Variants in ZBTB24 observed in about 807,000 individuals in gnomAD.
ZBTB24 encodes the protein zinc finger and BTB domain-containing protein 24.
Under a neutral mutation model 53.8 loss-of-function variants are expected in ZBTB24, and 32 were observed. The observed-to-expected ratio is 0.60, with a 90% confidence interval of 0.45 to 0.80. The LOEUF is 0.80. Among genes scored for constraint, ZBTB24 ranks in the 30% least tolerant of loss-of-function variants. The probability of loss-of-function intolerance (pLI) is 0.00; values close to 1 mark genes in which losing one functional copy is unlikely to be tolerated. For synonymous variants in ZBTB24, 297 were observed against 306.7 expected (o/e 0.97, Z 0.33); for missense variants, 722 against 837.1 (o/e 0.86, Z 1.70).
In ZBTB24 at chr6:109,481,802, G is replaced by A. The variant is rs769918646; in HGVS notation, c.225C>T (p.Ser75=). Residue 75 remains serine, a synonymous_variant, in exon 2 of 7, where the codon TCC becomes TCT. Coordinates refer to ENST00000230122, the MANE Select transcript of ZBTB24 (RefSeq NM_014797.3). ...MFAEEGEIGQ[S]IYMLEGMVAD... is the part of the protein sequence containing the mutation. ...CAACCATGCCTTCCAGCATATAAAT[G>A]GATTGGCCGATTTCCCCCTCTTCTG... 31 of 1,614,230 alleles carry A rather than the reference G, an allele frequency of 1.9e-5. No individual in the cohort carries two copies. Among genetic ancestry groups the A allele is most frequent in the Admixed American group, 1.0e-4 (6 of 60,028 alleles).
chr6:109,472,910 A>T (rs1217597674), intron 5 of ZBTB24, among the ~76,000 whole-genome samples: 2 of 151,504 alleles, frequency 1.3e-5, no homozygotes, highest in African/African-American at 4.9e-5. Flanking sequence ...ACCTGACACC[A>T]CCTCTGCTGC....
At position 109,466,020 on chromosome 6, in the gene ZBTB24, T is replaced by C. The variant is rs754717708; in HGVS notation, c.1925A>G (p.Lys642Arg). The change falls in exon 7 of 7, where the codon AAG (lysine) becomes AGG (arginine). Residue 642 changes from lysine to arginine, a missense_variant. Coordinates refer to ENST00000230122, the MANE Select transcript of ZBTB24 (RefSeq NM_014797.3). ...GGCATGAAGATGTTCCAGTGTTTCC[T>C]TGGACAGAGTGATCACGTGCACTGG... ...TEPVHVITLS[K>R]ETLEHLHAHQ... 1.9e-5 allele frequency: 31 copies of C among 1,614,234 alleles called. No individual in the cohort carries two copies. The highest frequency in any genetic ancestry group is 2.5e-5 in the Non-Finnish European group (29 of 1,180,036).
intron 6 of ZBTB24, 94 bp from the exon 7 acceptor site, chr6:109,466,668 T>C (rs1776050607): frequency 1.3e-6 from 2 of 1,498,920 alleles, no homozygotes; most frequent in Admixed American, 3.7e-5. Flanking sequence ...TAGTGGAAAA[T>C]TAACTAGACT....
Position 109,481,876 on chromosome 6 carries a change from G to A in ZBTB24, c.151C>T (p.His51Tyr), listed in dbSNP as rs1377576479. ...LIVENVHFRA[H>Y]KALLAASSEY... ...CTACTGGCAGCAAGTAAGGCTTTGT[G>A]GGCCCGGAAATGTACATTCTCCACG... The change falls in exon 2 of 7, where the codon CAC becomes TAC. Residue 51 changes from histidine (H) to tyrosine (Y), a missense_variant. Physicochemically the swap from His to Tyr is moderately conservative, Grantham distance 83. Transcript: ENST00000230122. The A allele has an allele frequency of 1.2e-6, 2 of 1,614,064 alleles. No homozygotes were observed. Among genetic ancestry groups the A allele is most frequent in the Non-Finnish European group, 1.7e-6 (2 of 1,180,034 alleles).
At chr6:109,469,918 A>AGGAGGCC (rs1336658043) in intron 5 of ZBTB24, among the ~76,000 whole-genome samples, 1 of 152,220 alleles carries the variant, frequency 6.6e-6, no homozygotes, top group Non-Finnish European at 1.5e-5. Flanking sequence ...GTCAGGAGTC[A>AGGAGGCC]GGAGGCCAAG....
At chr6:109,468,526 G>A (rs951737637) in intron 5 of ZBTB24, among the ~76,000 whole-genome samples, 1 of 151,700 alleles carries the variant, frequency 6.6e-6, no homozygotes, top group Non-Finnish European at 1.5e-5. Context: ...TTTTATCAGT[G>A]AGGCTCCATC....
chr6:109,472,468 T>C (rs1776186680), intron 5 of ZBTB24, among the ~76,000 whole-genome samples: 1 of 152,126 alleles, frequency 6.6e-6, no homozygotes, highest in Admixed American at 6.5e-5. Flanking sequence ...CAAGTCCTAC[T>C]GCTACTCACA....
chr6:109,467,888 T>C (rs1377964046), intron 5 of ZBTB24, among the ~76,000 whole-genome samples, 154 bp from the exon 6 acceptor site: 1 of 152,106 alleles, frequency 6.6e-6, no homozygotes, highest in Non-Finnish European at 1.5e-5. Context: ...AATGATGCAC[T>C]CACCAAATAT....
Position 109,475,457 on chromosome 6 carries a change from G to A in ZBTB24, c.1230C>T (p.Asp410=). Residue 410 remains aspartate (D), a synonymous_variant, in exon 5 of 7, where the codon GAC becomes GAT. Transcript: ENST00000230122. ...HTGHSLPECK[D]CHRKFMDVSQ... ...ACACATCCATGAATTTGCGATGGCA[G>A]TCTTTGCATTCCGGTAATGAGTGGC... is the stretch of plus-strand genomic sequence containing the variant. The A allele has an allele frequency of 6.2e-7, 1 of 1,614,190 alleles. No homozygotes were observed. The highest frequency in any genetic ancestry group is 8.5e-7 in the Non-Finnish European group (1 of 1,180,036).
rs767524812 is a variant in ZBTB24, at chr6:109,481,810, C to T, written c.217G>A (p.Gly73Ser). 6.2e-7 allele frequency: 1 copy of T among 1,614,164 alleles called. No homozygotes were observed. Among genetic ancestry groups the T allele is most frequent in the Non-Finnish European group, 8.5e-7 (1 of 1,180,044 alleles). Residue 73 changes from glycine (G) to serine (S), a missense_variant, in exon 2 of 7, where the codon GGC becomes AGC. Coordinates refer to ENST00000230122, the MANE Select transcript of ZBTB24 (RefSeq NM_014797.3). ...CCTTCCAGCATATAAATGGATTGGC[C>T]GATTTCCCCCTCTTCTGCAAACATC... Reference protein sequence around the residue: ...SMMFAEEGEIGQSIYMLEGMV... With the variant: ...SMMFAEEGEISQSIYMLEGMV...
chr6:109,466,695 G>A, intron 6 of ZBTB24, 121 bp from the exon 7 acceptor site: 1 of 1,317,922 alleles, frequency 7.6e-7, no homozygotes, highest in South Asian at 1.3e-5. Context: ...CATAAGTCAT[G>A]GGTTCACCTA....
intron 2 of ZBTB24, among the ~76,000 whole-genome samples, chr6:109,479,096 C>G (rs1776341748): frequency 6.6e-6 from 1 of 152,060 alleles, no homozygotes; most frequent in Non-Finnish European, 1.5e-5. Flanking sequence ...ACAGAGAAAA[C>G]AGAGAGGAGA....
intron 6 of ZBTB24, 60 bp downstream of exon 6, chr6:109,467,593 T>C: frequency 6.2e-7 from 1 of 1,613,418 alleles, no homozygotes; most frequent in Non-Finnish European, 8.5e-7. Context: ...ACATGTCACC[T>C]CACTGAACAG....
intron 5 of ZBTB24, among the ~76,000 whole-genome samples, chr6:109,473,429 G>A (rs1776210389): frequency 6.6e-6 from 1 of 152,096 alleles, no homozygotes; most frequent in South Asian, 2.1e-4. Context: ...ATCTTCAATG[G>A]CCGGCTGGCT....
At chr6:109,472,284 G>A (rs1399119711) in intron 5 of ZBTB24, among the ~76,000 whole-genome samples, 1 of 152,094 alleles carries the variant, frequency 6.6e-6, no homozygotes, top group Admixed American at 6.5e-5. Flanking sequence ...TTTTTTGATA[G>A]GTTCAATTTC....
chr6:109,482,452 C>A (rs1776443810), intron 1 of ZBTB24, among the ~76,000 whole-genome samples: 1 of 151,136 alleles, frequency 6.6e-6, no homozygotes, highest in Non-Finnish European at 1.5e-5. Flanking sequence ...GGCGACAGAA[C>A]GAGACCACCA....
chr6:109,475,518 A>C (rs1473440847), intron 4 of ZBTB24, 36 bp from the exon 5 acceptor site: 1 of 1,606,726 alleles, frequency 6.2e-7, no homozygotes, highest in Non-Finnish European at 8.5e-7. Flanking sequence ...CAGTGCATAC[A>C]TGCTCTCCCT....
At chr6:109,479,915 CAAAAAAAAA>C (rs200514874) in intron 2 of ZBTB24, among the ~76,000 whole-genome samples, 2 of 41,826 alleles carry the variant, frequency 4.8e-5, no homozygotes, top group African/African-American at 1.8e-4. Flanking sequence ...GAATCCATCT[CAAAAAAAAA>C]AAAAAAAAAA....
chr6:109,475,372 G>A (rs1009981060), intron 5 of ZBTB24, 27 bp downstream of exon 5: 4 of 1,611,920 alleles, frequency 2.5e-6, no homozygotes, highest in Non-Finnish European at 3.4e-6. Context: ...CCCGTGTACT[G>A]GGGGGACAGA....
Sources: gnomAD v4.1 joint callset for allele counts (sites outside exome capture counted in the v4.1 genomes callset) on GRCh38, gnomAD v4.1.1 for gene constraint, MANE v1.5 for transcripts, NCBI Gene and HGNC (gene_info 2026-07-23, HGNC 2026-07-21) for gene names.